Variants in JDP2 observed in about 807,000 individuals in gnomAD.
JDP2 encodes the protein progesterone receptor co-activator.
In JDP2, 9 loss-of-function variants were observed where a neutral mutation model predicts 17.1. That is an observed-to-expected ratio of 0.53 (90% confidence interval 0.32 to 0.92). JDP2 has a LOEUF of 0.92. Among genes scored for constraint, JDP2 ranks in the 40% least tolerant of loss-of-function variants. The pLI is 0.04. For synonymous variants in JDP2, 107 were observed against 95.6 expected (o/e 1.12, Z -0.69); for missense variants, 179 against 220.0 (o/e 0.81, Z 1.18).
In JDP2 at chr14:75,432,330, G is replaced by A; in HGVS notation, c.-24+4078G>A. The A allele has an allele frequency of 6.4e-7, 1 of 1,551,564 alleles. No homozygotes were observed. ...GGTGGTTGATTCTCCAAGATTCATG[G>A]TAGCAGGTACTATGCGCCATGACCC... On this transcript the variant is annotated intron_variant, in intron 1 of 3. Transcript: ENST00000651602.
At chr14:75,467,801 G>C (rs962656163) in intron 3 of JDP2, among the ~76,000 whole-genome samples, 26 of 152,186 alleles carry the variant, frequency 1.7e-4, no homozygotes, top group African/African-American at 5.5e-4. Context: ...CAGCTTCCCA[G>C]TCACGTCCCA....
intron 2 of JDP2, among the ~76,000 whole-genome samples, chr14:75,452,250 G>A (rs749463864): frequency 9.9e-5 from 15 of 152,222 alleles, no homozygotes; most frequent in Non-Finnish European, 1.8e-4. Context: ...CTGATGGAAT[G>A]GAGTCAATCC....
intron 3 of JDP2, among the ~76,000 whole-genome samples, chr14:75,468,317 G>A (rs1340111934): frequency 1.3e-5 from 2 of 152,182 alleles, no homozygotes; most frequent in Non-Finnish European, 2.9e-5. Flanking sequence ...AATCAAAAAT[G>A]TCTGCAGACA....
chr14:75,437,738 A>G lies in JDP2; in HGVS notation c.-23-160A>G, dbSNP rs150117481. ...GAGTTAATTGAGCAACTTTTCCTCTATAACAGGAAGGACTTTACGGCAGGA... is the reference window on the plus strand; with the variant it reads ...GAGTTAATTGAGCAACTTTTCCTCTGTAACAGGAAGGACTTTACGGCAGGA... On this transcript the variant is annotated intron_variant, in intron 1 of 3. Transcript: ENST00000651602. Among the ~76,000 whole-genome samples, 33 of 152,368 alleles carry G rather than the reference A, an allele frequency of 2.2e-4. No individual in the cohort carries two copies. The East Asian group carries it at 5.0e-3, about 23-fold the overall frequency.
intron 3 of JDP2, among the ~76,000 whole-genome samples, chr14:75,465,255 C>A (rs111492168): frequency 1.3e-5 from 2 of 152,032 alleles, no homozygotes; most frequent in African/African-American, 4.8e-5. Flanking sequence ...TCAGCTCTTA[C>A]AAAAACTTAG....
At chr14:75,439,871 G>A (rs1000120623) in intron 2 of JDP2, among the ~76,000 whole-genome samples, 4 of 152,146 alleles carry the variant, frequency 2.6e-5, no homozygotes, top group Non-Finnish European at 5.9e-5. Flanking sequence ...TTTAGAGCCA[G>A]TAGCTGAGCA....
intron 1 of JDP2, among the ~76,000 whole-genome samples, chr14:75,434,465 A>G (rs545650959): frequency 4.6e-5 from 7 of 152,148 alleles, no homozygotes; most frequent in Non-Finnish European, 8.8e-5. Flanking sequence ...GCTTCTACAA[A>G]GGAAAGACTA....
At chr14:75,445,089 G>A in intron 2 of JDP2, 6 of 985,220 alleles carry the variant, frequency 6.1e-6, no homozygotes, top group Non-Finnish European at 7.2e-6. Flanking sequence ...GATGTTTCCA[G>A]GTCCACCGGC....
intron 3 of JDP2, among the ~76,000 whole-genome samples, chr14:75,464,620 C>G (rs948168568): frequency 2.6e-4 from 39 of 152,164 alleles, no homozygotes; most frequent in African/African-American, 8.5e-4. Context: ...GACCAGTCGC[C>G]CATGGCTACT....
chr14:75,445,193 A>G (rs1488445344), intron 2 of JDP2: 1 of 985,168 alleles, frequency 1.0e-6, no homozygotes, highest in African/African-American at 1.7e-5. Flanking sequence ...TTTTCCTTCT[A>G]CTGTGCCCAA....
chr14:75,439,802 T>C (rs1446605944), intron 2 of JDP2, among the ~76,000 whole-genome samples: 1 of 152,232 alleles, frequency 6.6e-6, no homozygotes. Context: ...GCTCCTCACC[T>C]TCCCAGGTCT....
intron 2 of JDP2, among the ~76,000 whole-genome samples, chr14:75,441,819 C>A: frequency 6.6e-6 from 1 of 152,202 alleles, no homozygotes. Context: ...AGCTGGACTC[C>A]TCCACCAACC....
intron 2 of JDP2, among the ~76,000 whole-genome samples, chr14:75,452,574 G>A (rs958911170): frequency 2.6e-5 from 4 of 152,218 alleles, no homozygotes; most frequent in Admixed American, 2.6e-4. Flanking sequence ...GATGTGTTTT[G>A]TTTGGCTCAT....
At chr14:75,432,973 G>A (rs1325278727) in intron 1 of JDP2, among the ~76,000 whole-genome samples, 2 of 151,772 alleles carry the variant, frequency 1.3e-5, no homozygotes, top group Admixed American at 6.6e-5. Flanking sequence ...AGGCTGAGGC[G>A]GGTGGATCAC....
rs1886804379 is a variant in JDP2, at chr14:75,471,293, C to T, written c.*1818C>T. 1 of 152,320 alleles carries T rather than the reference C, an allele frequency of 6.6e-6. No individual in the cohort carries two copies. The highest frequency in any genetic ancestry group is 6.5e-5 in the Admixed American group (1 of 15,288). 9.4% of individuals were successfully genotyped at this position (152,320 alleles called of 1,614,324 possible). ...CACCTCGACAGCTGAATCCCTGCCA[C>T]CCAGGGCCGGAGCAGCTCAGTGGCA... On this transcript the variant is annotated 3_prime_UTR_variant, in exon 4 of 4. Coordinates refer to ENST00000651602, the MANE Select transcript of JDP2 (RefSeq NM_001135048.2).
At chr14:75,466,159 G>A (rs1317945613) in intron 3 of JDP2, among the ~76,000 whole-genome samples, 1 of 152,232 alleles carries the variant, frequency 6.6e-6, no homozygotes, top group Non-Finnish European at 1.5e-5. Context: ...GTTACATTCT[G>A]GCTGGGCGCG....
chr14:75,469,152 A>G (rs1839374088), intron 3 of JDP2, 138 bp from the exon 4 acceptor site: 5 of 711,660 alleles, frequency 7.0e-6, no homozygotes, highest in Non-Finnish European at 2.3e-6. Context: ...CCAGGGGCTC[A>G]GTAGCAGGGT....
intron 2 of JDP2, among the ~76,000 whole-genome samples, chr14:75,443,240 T>C (rs1446312554): frequency 6.6e-6 from 1 of 152,204 alleles, no homozygotes; most frequent in Non-Finnish European, 1.5e-5. Flanking sequence ...ATGTTTAGCC[T>C]GAGCAGAAAA....
Position 75,472,594 on chromosome 14 carries a change from G to A in JDP2, c.*3119G>A, listed in dbSNP as rs1160166034. 5 of 152,174 alleles carry A rather than the reference G, an allele frequency of 3.3e-5. No individual in the cohort carries two copies. Among genetic ancestry groups the A allele is most frequent in the Non-Finnish European group, 2.9e-5 (2 of 68,036 alleles). 9.4% of individuals were successfully genotyped at this position (152,174 alleles called of 1,614,324 possible). A position where few individuals can be genotyped will look rare whatever the true frequency, so the allele number is the denominator to read the frequency against. On this transcript the variant is annotated 3_prime_UTR_variant, in exon 4 of 4. Transcript: ENST00000651602. ...GCTGTGAACCTCATTTTTCTTATCT[G>A]TGAAGTGGGAACAGTAATAATCCAA...
Sources: gnomAD v4.1 joint callset for allele counts (sites outside exome capture counted in the v4.1 genomes callset) on GRCh38, gnomAD v4.1.1 for gene constraint, MANE v1.5 for transcripts, NCBI Gene and HGNC (gene_info 2026-07-23, HGNC 2026-07-21) for gene names.